TBC1D4: variants seen among roughly 807,000 people sequenced by gnomAD.
TBC1D4 encodes TBC1 domain family member 4.
In TBC1D4, 121 loss-of-function variants were observed where a neutral mutation model predicts 142.5. That is an observed-to-expected ratio of 0.85 (90% confidence interval 0.73 to 0.99). The LOEUF (loss-of-function observed/expected upper bound fraction) is 0.99, where lower values mean the gene tolerates loss of function less well. Ranked by LOEUF, TBC1D4 falls within the 50% of genes least tolerant of loss-of-function variation. The pLI, the probability that TBC1D4 is intolerant of heterozygous loss-of-function variation, is 0.00. For synonymous variants in TBC1D4, 630 were observed against 628.2 expected (o/e 1.00, Z -0.04); for missense variants, 1,475 against 1,606.6 (o/e 0.92, Z 1.40).
At chr13:75,387,984 T>A (rs987099429) in intron 1 of TBC1D4, among the ~76,000 whole-genome samples, 20 of 152,194 alleles carry the variant, frequency 1.3e-4, no homozygotes, top group African/African-American at 4.8e-4. Context: ...AGGGGAGAAT[T>A]CATTTCTTTA....
chr13:75,408,452 G>C (rs1016295105), intron 1 of TBC1D4, among the ~76,000 whole-genome samples: 1 of 152,134 alleles, frequency 6.6e-6, no homozygotes, highest in African/African-American at 2.4e-5. Context: ...AATCTAGGGG[G>C]TATTAATGCT....
Position 75,342,115 on chromosome 13 carries a change from T to C in TBC1D4, c.1409-528A>G, listed in dbSNP as rs562615123. Among the ~76,000 whole-genome samples, 35 of 152,202 alleles carry C rather than the reference T, an allele frequency of 2.3e-4. 1 individual carries two copies. The highest frequency in any genetic ancestry group is 1.8e-3 in the Admixed American group (28 of 15,282). On this transcript the variant is annotated intron_variant, in intron 5 of 20. Coordinates refer to ENST00000377636, the MANE Select transcript of TBC1D4 (RefSeq NM_014832.5). ...CAGGAGGCGAGGCAGGAGACTCACTTGAACATGGGAGGCAGAGGTTGCAGT... is the reference window on the plus strand; with the variant it reads ...CAGGAGGCGAGGCAGGAGACTCACTCGAACATGGGAGGCAGAGGTTGCAGT...
intron 1 of TBC1D4, among the ~76,000 whole-genome samples, chr13:75,403,735 T>C (rs1420483782): frequency 6.6e-6 from 1 of 152,198 alleles, no homozygotes; most frequent in South Asian, 2.1e-4. Flanking sequence ...CAATTTCCCA[T>C]CTCTGTTTGT....
intron 12 of TBC1D4, among the ~76,000 whole-genome samples, chr13:75,317,386 AC>A (rs1013044257): frequency 6.6e-6 from 1 of 152,214 alleles, no homozygotes; most frequent in Non-Finnish European, 1.5e-5. Context: ...ACTTCAGAGT[AC>A]TATCAGGTGC....
intron 11 of TBC1D4, among the ~76,000 whole-genome samples, chr13:75,323,029 G>GA (rs1254014185): frequency 2.6e-5 from 4 of 151,970 alleles, no homozygotes; most frequent in Non-Finnish European, 5.9e-5. Flanking sequence ...TTCTTAAAGT[G>GA]AAAAAAAGGC....
chr13:75,361,684 AT>A (rs893100257), intron 2 of TBC1D4, among the ~76,000 whole-genome samples: 2 of 151,612 alleles, frequency 1.3e-5, no homozygotes, highest in African/African-American at 4.8e-5. Flanking sequence ...CGGGCCTACA[AT>A]TTTTTTTTAA....
Position 75,392,721 on chromosome 13 carries a change from G to A in TBC1D4, c.499-30114C>T, listed in dbSNP as rs899059470. Among the ~76,000 whole-genome samples, 5 of 151,590 alleles carry A rather than the reference G, an allele frequency of 3.3e-5. No individual in the cohort carries two copies. The East Asian group carries it at 9.7e-4, about 30-fold the overall frequency. ...CAGAATCACAGCTCACTGCAACCTC[G>A]AATTCCTGGGCTCAAGTGATCCTCC... On this transcript the variant is annotated intron_variant, in intron 1 of 20. Transcript: ENST00000377636.
chr13:75,404,964 T>A (rs1266386188), intron 1 of TBC1D4, among the ~76,000 whole-genome samples: 1 of 152,210 alleles, frequency 6.6e-6, no homozygotes, highest in Non-Finnish European at 1.5e-5. Flanking sequence ...AGCTGTTAAA[T>A]GACTTTTAGG....
intron 4 of TBC1D4, among the ~76,000 whole-genome samples, chr13:75,353,133 C>T (rs17327782): frequency 0.035 from 5,308 of 152,222 alleles, 120 homozygotes; most frequent in Non-Finnish European, 0.043. Flanking sequence ...CATTCACAGC[C>T]AGTCAAGTCT....
At chr13:75,410,935 CAAAAAAAAAAAA>C (rs60172018) in intron 1 of TBC1D4, among the ~76,000 whole-genome samples, 52 of 63,242 alleles carry the variant, frequency 8.2e-4, no homozygotes, top group East Asian at 1.5e-3. Context: ...GACTCCGTCT[CAAAAAAAAAAAA>C]AAAAAAAAAA....
chr13:75,349,232 T>G lies in TBC1D4; in HGVS notation c.1346A>C (p.Gln449Pro), dbSNP rs1881405440. 6.2e-7 allele frequency: 1 copy of G among 1,613,900 alleles called. No individual in the cohort carries two copies. Among genetic ancestry groups the G allele is most frequent in the Non-Finnish European group, 8.5e-7 (1 of 1,179,950 alleles). Residue 449 changes from glutamine (Q) to proline (P), a missense_variant, in exon 5 of 21, where the codon CAG becomes CCG. This residue lies in a region of TBC1D4 where 1,227 missense variants were observed against 1,267.7 expected (regional missense o/e 0.97). Transcript: ENST00000377636. ...TAAALQSAKT[Q>P]IKLCEACPMH... ...CGGGCAGGCCTCACACAGTTTAATC[T>G]GCGTCTTGGCACTCTGCAGGGCAGC...
At chr13:75,420,696 T>C (rs1886127392) in intron 1 of TBC1D4, among the ~76,000 whole-genome samples, 1 of 152,208 alleles carries the variant, frequency 6.6e-6, no homozygotes, top group Non-Finnish European at 1.5e-5. Context: ...ACAATTATGC[T>C]TCCTGAGATC....
chr13:75,469,657 C>G (rs1888317437), intron 1 of TBC1D4, among the ~76,000 whole-genome samples: 3 of 152,050 alleles, frequency 2.0e-5, no homozygotes, highest in Admixed American at 2.0e-4. Flanking sequence ...AACCTGTAGT[C>G]TCAGCTACTT....
At position 75,339,567 on chromosome 13, in the gene TBC1D4, A is replaced by G. The variant is rs976994210; in HGVS notation, c.1611+1558T>C. 7.4e-5 allele frequency among the ~76,000 whole-genome samples: 11 copies of G among 149,652 alleles called. No homozygotes were observed. In the South Asian group the frequency reaches 1.3e-3, roughly 18 times the overall value. On this transcript the variant is annotated intron_variant, in intron 7 of 20. Coordinates refer to ENST00000377636, the MANE Select transcript of TBC1D4 (RefSeq NM_014832.5). ...GGAGTAAGTTTGGGCACACTACTAC[A>G]TAACTTTGTGCTCAATGTTCTTTTT...
At chr13:75,472,378 C>T (rs554283159) in intron 1 of TBC1D4, among the ~76,000 whole-genome samples, 8 of 152,144 alleles carry the variant, frequency 5.3e-5, no homozygotes, top group Non-Finnish European at 8.8e-5. Flanking sequence ...GAGATCACGC[C>T]ACTGCATTCC....
chr13:75,414,732 C>T (rs531073781), intron 1 of TBC1D4, among the ~76,000 whole-genome samples: 6 of 151,868 alleles, frequency 4.0e-5, no homozygotes, highest in Non-Finnish European at 8.8e-5. Flanking sequence ...ATGAGGTGAT[C>T]CTTAAAATAG....
intron 1 of TBC1D4, among the ~76,000 whole-genome samples, chr13:75,449,561 GCA>G (rs953048466): frequency 7.3e-6 from 1 of 136,268 alleles, no homozygotes; most frequent in African/African-American, 2.7e-5. Flanking sequence ...ACACAGACGC[GCA>G]CACACACAGT....
At chr13:75,404,413 A>ATT (rs1440160293) in intron 1 of TBC1D4, among the ~76,000 whole-genome samples, 1 of 152,152 alleles carries the variant, frequency 6.6e-6, no homozygotes. Context: ...AACACATTAC[A>ATT]TTTAGTCATA....
intron 1 of TBC1D4, among the ~76,000 whole-genome samples, chr13:75,441,760 C>T (rs1377351483): frequency 6.6e-6 from 1 of 152,158 alleles, no homozygotes; most frequent in Non-Finnish European, 1.5e-5. Flanking sequence ...TCAGCCTTCC[C>T]CAGTCCTGCC....
Sources: gnomAD v4.1 joint callset for allele counts (sites outside exome capture counted in the v4.1 genomes callset) on GRCh38, gnomAD v4.1.1 for gene constraint, gnomAD v4.1.1 regional missense constraint, MANE v1.5 for transcripts, NCBI Gene and HGNC (gene_info 2026-07-23, HGNC 2026-07-21) for gene names.